Variants in SNX29 observed in about 807,000 individuals in gnomAD.
SNX29 encodes sorting nexin-29.
SNX29 carries 78 observed loss-of-function variants against 102.1 expected under a neutral mutation model. The observed-to-expected ratio is 0.76, with a 90% CI of 0.64 to 0.92. SNX29 has a LOEUF of 0.92. SNX29 is among the 40% of genes least tolerant of loss of function. The pLI is 0.00. For missense variants in SNX29, 1,280 were observed against 1,061.7 expected (o/e 1.21, Z -2.86); for synonymous variants, 580 against 414.5 (o/e 1.40, Z -4.85).
At chr16:12,226,322 G>A (rs562340037) in intron 14 of SNX29, among the ~76,000 whole-genome samples, 58 of 152,290 alleles carry the variant, frequency 3.8e-4, no homozygotes, top group Non-Finnish European at 7.1e-4. Flanking sequence ...ACAGGAGAAT[G>A]TTCTTATGAT....
intron 18 of SNX29, among the ~76,000 whole-genome samples, chr16:12,430,617 G>A (rs2085270732): frequency 6.6e-6 from 1 of 152,194 alleles, no homozygotes; most frequent in Non-Finnish European, 1.5e-5. Flanking sequence ...AATTAATAAA[G>A]TGTTATTACT....
At chr16:12,129,380 G>A (rs1404458924) in intron 12 of SNX29, among the ~76,000 whole-genome samples, 2 of 152,226 alleles carry the variant, frequency 1.3e-5, no homozygotes, top group Non-Finnish European at 2.9e-5. Context: ...CTGTCAGAAG[G>A]CTGGCCTGCT....
chr16:12,037,781 C>T (rs2630858), intron 4 of SNX29, among the ~76,000 whole-genome samples: 14 of 151,216 alleles, frequency 9.3e-5, no homozygotes, highest in African/African-American at 2.9e-4. Context: ...GTAAGACCCT[C>T]GTCTCTACAG....
At chr16:12,384,477 G>GC (rs1282021464) in intron 16 of SNX29, among the ~76,000 whole-genome samples, 1 of 152,214 alleles carries the variant, frequency 6.6e-6, no homozygotes, top group Non-Finnish European at 1.5e-5. Context: ...AGTGATTGGA[G>GC]CACCTTTTCA....
intron 20 of SNX29, among the ~76,000 whole-genome samples, chr16:12,550,408 G>A (rs1022301655): frequency 4.0e-5 from 6 of 151,880 alleles, no homozygotes; most frequent in East Asian, 1.9e-4. Flanking sequence ...GGTGGTGCAC[G>A]CCTGTACTCC....
intron 15 of SNX29, among the ~76,000 whole-genome samples, chr16:12,328,873 G>A (rs1443046183): frequency 2.0e-5 from 3 of 152,134 alleles, no homozygotes; most frequent in Non-Finnish European, 4.4e-5. Flanking sequence ...ATGGCTGGAT[G>A]TGGGAGCTGA....
At chr16:12,557,080 C>T (rs528860946) in intron 20 of SNX29, among the ~76,000 whole-genome samples, 1 of 149,584 alleles carries the variant, frequency 6.7e-6, no homozygotes, top group Admixed American at 6.8e-5. Context: ...GTCTGCCAGG[C>T]TCAAGCCATC....
chr16:12,108,606 A>G (rs2053365883), intron 11 of SNX29, among the ~76,000 whole-genome samples: 1 of 152,104 alleles, frequency 6.6e-6, no homozygotes, highest in Non-Finnish European at 1.5e-5. Context: ...AGCTCTCTTA[A>G]TACCTACAAC....
intron 1 of SNX29, among the ~76,000 whole-genome samples, chr16:11,986,123 G>C (rs1173271342): frequency 6.6e-6 from 1 of 151,964 alleles, no homozygotes; most frequent in African/African-American, 2.4e-5. Flanking sequence ...CTTTTCCTGA[G>C]GTGGGAGAGC....
chr16:12,531,496 C>T (rs1003685110), intron 20 of SNX29, among the ~76,000 whole-genome samples: 2 of 152,106 alleles, frequency 1.3e-5, no homozygotes, highest in Non-Finnish European at 2.9e-5. Context: ...CAAGAGGGGA[C>T]GTGGGGCCCC....
intron 14 of SNX29, among the ~76,000 whole-genome samples, chr16:12,276,692 T>C (rs1244221979): frequency 6.6e-6 from 1 of 152,222 alleles, no homozygotes; most frequent in Non-Finnish European, 1.5e-5. Context: ...TGTGGATGTT[T>C]TTCTTTGCCC....
intron 4 of SNX29, among the ~76,000 whole-genome samples, chr16:12,031,146 C>T (rs1017382437): frequency 6.6e-6 from 1 of 151,932 alleles, no homozygotes; most frequent in Non-Finnish European, 1.5e-5. Flanking sequence ...GATCTCGGCT[C>T]ACTGCAGCCT....
In SNX29 at chr16:12,568,928, G is replaced by C. The variant is rs1598129734; in HGVS notation, c.*299G>C. 8 of 417,832 alleles carry C rather than the reference G, an allele frequency of 1.9e-5. No homozygotes were observed. In the South Asian group the frequency reaches 2.7e-4, roughly 14 times the overall value. 25.9% of individuals were successfully genotyped at this position (417,832 alleles called of 1,614,324 possible). On this transcript the variant is annotated 3_prime_UTR_variant, in exon 21 of 21. Transcript: ENST00000566228. ...GTTCCTCCACCTTTCTGTAGTTCAG[G>C]GCTGGCAGGAGGGTGGGCACCAGGT...
chr16:12,483,918 A>G (rs1368416375), intron 19 of SNX29, among the ~76,000 whole-genome samples: 2 of 152,230 alleles, frequency 1.3e-5, no homozygotes, highest in Non-Finnish European at 1.5e-5. Flanking sequence ...TTCCTTGGCC[A>G]TGCCTAATGC....
chr16:12,233,929 C>G (rs796157600), intron 14 of SNX29, among the ~76,000 whole-genome samples: 2 of 152,292 alleles, frequency 1.3e-5, no homozygotes, highest in African/African-American at 2.4e-5. Context: ...TAGCATGTAT[C>G]AGGATGGCAT....
chr16:12,547,003 G>T (rs1302853874), intron 20 of SNX29, among the ~76,000 whole-genome samples: 1 of 152,068 alleles, frequency 6.6e-6, no homozygotes, highest in African/African-American at 2.4e-5. Context: ...CACCATTTCA[G>T]ATCCTGATAG....
chr16:12,268,824 C>T (rs945578574), intron 14 of SNX29, among the ~76,000 whole-genome samples: 4 of 152,198 alleles, frequency 2.6e-5, no homozygotes, highest in Non-Finnish European at 5.9e-5. Flanking sequence ...CCATGCCGCT[C>T]TCCATGGTAT....
chr16:12,114,650 G>T (rs2053623050), intron 11 of SNX29, among the ~76,000 whole-genome samples: 1 of 151,574 alleles, frequency 6.6e-6, no homozygotes, highest in Admixed American at 6.6e-5. Context: ...GCAGTGGCAT[G>T]ATCTCAGCTC....
At chr16:12,534,317 C>G (rs538460440) in intron 20 of SNX29, among the ~76,000 whole-genome samples, 2 of 152,234 alleles carry the variant, frequency 1.3e-5, no homozygotes, top group African/African-American at 4.8e-5. Flanking sequence ...TAATGAGGGC[C>G]TCTGTGCCCA....
Sources: allele counts gnomAD v4.1 joint callset (sites outside exome capture counted in the v4.1 genomes callset), GRCh38; gene constraint gnomAD v4.1.1; transcripts MANE v1.5; gene names NCBI Gene and HGNC (gene_info 2026-07-23, HGNC 2026-07-21).